Variants in PIP5K1B observed in about 807,000 individuals in gnomAD.
PIP5K1B encodes the protein phosphatidylinositol 4-phosphate 5-kinase type-1 beta.
In PIP5K1B, 42 loss-of-function variants were observed where a neutral mutation model predicts 67.0. That is an observed-to-expected ratio of 0.63 (90% CI 0.49 to 0.81). The LOEUF (loss-of-function observed/expected upper bound fraction) is 0.81, where lower values mean the gene tolerates loss of function less well. PIP5K1B is among the 30% of genes least tolerant of loss of function. PIP5K1B has a pLI of 0.00. For missense variants in PIP5K1B, 459 were observed against 646.3 expected (o/e 0.71, Z 3.14); for synonymous variants, 214 against 231.4 (o/e 0.92, Z 0.68).
chr9:68,999,155 CCT>C (rs747912360), intron 15 of PIP5K1B, among the ~76,000 whole-genome samples: 3 of 152,192 alleles, frequency 2.0e-5, no homozygotes, highest in Non-Finnish European at 2.9e-5. Flanking sequence ...ATGTTCTGTG[CCT>C]CTGTGTGGCC....
intron 14 of PIP5K1B, among the ~76,000 whole-genome samples, chr9:68,984,973 C>A (rs1564293168): frequency 6.6e-6 from 1 of 152,210 alleles, no homozygotes; most frequent in South Asian, 2.1e-4. Context: ...AGCCGCTGCA[C>A]CTCCCTGGGC....
intron 2 of PIP5K1B, among the ~76,000 whole-genome samples, chr9:68,754,410 T>C (rs867871959): frequency 6.6e-6 from 1 of 150,376 alleles, no homozygotes; most frequent in Non-Finnish European, 1.5e-5. Flanking sequence ...ACCTCGTGAT[T>C]CACCCGCCTC....
intron 4 of PIP5K1B, among the ~76,000 whole-genome samples, chr9:68,840,110 C>T (rs2132148871): frequency 6.6e-6 from 1 of 152,330 alleles, no homozygotes; most frequent in South Asian, 2.1e-4. Context: ...GGCACAGTGG[C>T]ACATGCCTGT....
At chr9:68,915,274 G>T (rs73461643) in intron 8 of PIP5K1B, among the ~76,000 whole-genome samples, 4,610 of 151,920 alleles carry the variant, frequency 0.03, 214 homozygotes, top group African/African-American at 0.1. Flanking sequence ...TATGAGTAGG[G>T]AAGTTAGCAT....
At chr9:68,833,087 AAGAC>A (rs1834403683) in intron 4 of PIP5K1B, among the ~76,000 whole-genome samples, 1 of 152,258 alleles carries the variant, frequency 6.6e-6, no homozygotes, top group African/African-American at 2.4e-5. Flanking sequence ...AACAGAGGCC[AAGAC>A]AGACATAGTC....
intron 4 of PIP5K1B, among the ~76,000 whole-genome samples, chr9:68,863,357 G>A (rs1823198384): frequency 6.6e-6 from 1 of 152,092 alleles, no homozygotes; most frequent in South Asian, 2.1e-4. Flanking sequence ...GAGTTATTCT[G>A]TTATTTCTCC....
chr9:68,782,680 T>A (rs1831363825), intron 2 of PIP5K1B: 1 of 167,094 alleles, frequency 6.0e-6, no homozygotes, highest in African/African-American at 2.4e-5. Flanking sequence ...TCCACAGGTT[T>A]AAAATTCTCT....
intron 9 of PIP5K1B, 105 bp downstream of exon 9, chr9:68,917,864 A>T: frequency 1.2e-6 from 1 of 802,866 alleles, no homozygotes; most frequent in Non-Finnish European, 2.1e-6. Context: ...CTAGGAATTA[A>T]TTTCTACTTG....
intron 5 of PIP5K1B, among the ~76,000 whole-genome samples, chr9:68,875,364 C>T (rs1293498243): frequency 1.5e-5 from 2 of 134,266 alleles, no homozygotes; most frequent in East Asian, 2.4e-4. Flanking sequence ...AAACTAGTTG[C>T]GTTGGTTATA....
intron 1 of PIP5K1B, among the ~76,000 whole-genome samples, chr9:68,725,489 A>C (rs1446476510): frequency 1.3e-5 from 2 of 152,348 alleles, no homozygotes; most frequent in South Asian, 2.1e-4. Flanking sequence ...TAAGAATTGC[A>C]GAAAGAGATC....
chr9:68,863,703 C>T (rs1472234790), intron 4 of PIP5K1B, 134 bp from the exon 5 acceptor site: 1 of 635,268 alleles, frequency 1.6e-6, no homozygotes, highest in Non-Finnish European at 2.6e-6. Context: ...AACTTATCAT[C>T]TTGCCAAACC....
chr9:69,004,329 G>GTT (rs1438722894), intron 15 of PIP5K1B, among the ~76,000 whole-genome samples: 1 of 93,522 alleles, frequency 1.1e-5, no homozygotes, highest in Non-Finnish European at 2.3e-5. Flanking sequence ...GCGTGTGTGT[G>GTT]TGTGTTTTTG....
intron 13 of PIP5K1B, among the ~76,000 whole-genome samples, chr9:68,935,502 A>T (rs1378073515): frequency 2.0e-5 from 3 of 152,228 alleles, no homozygotes; most frequent in African/African-American, 2.4e-5. Context: ...TAGCTACAGT[A>T]AGATGCAGTT....
At chr9:68,980,607 A>G (rs58952154) in intron 14 of PIP5K1B, among the ~76,000 whole-genome samples, 9,377 of 152,146 alleles carry the variant, frequency 0.062, 363 homozygotes, top group African/African-American at 0.1. Flanking sequence ...CTCTTGTACT[A>G]TCCAAACTGA....
chr9:68,847,114 A>G (rs1419884925), intron 4 of PIP5K1B, among the ~76,000 whole-genome samples: 1 of 152,162 alleles, frequency 6.6e-6, no homozygotes, highest in Non-Finnish European at 1.5e-5. Flanking sequence ...CTCTTGAATT[A>G]ATTAACTGCA....
At chr9:68,994,749 T>C (rs1460226169) in intron 15 of PIP5K1B, among the ~76,000 whole-genome samples, 2 of 152,184 alleles carry the variant, frequency 1.3e-5, no homozygotes, top group Non-Finnish European at 2.9e-5. Flanking sequence ...ATAAATTAAT[T>C]AGAGACAAAT....
At chr9:68,796,567 G>A (rs1490692800) in intron 2 of PIP5K1B, among the ~76,000 whole-genome samples, 1 of 152,124 alleles carries the variant, frequency 6.6e-6, no homozygotes, top group Non-Finnish European at 1.5e-5. Context: ...ATCTAAGACA[G>A]CATTTTCCTC....
At chr9:68,791,674 T>G (rs984487282) in intron 2 of PIP5K1B, among the ~76,000 whole-genome samples, 1 of 152,224 alleles carries the variant, frequency 6.6e-6, no homozygotes, top group Non-Finnish European at 1.5e-5. Flanking sequence ...TATATTGCAT[T>G]TCTAACTCTG....
At chr9:68,833,746 GT>G (rs1298077717) in intron 4 of PIP5K1B, among the ~76,000 whole-genome samples, 1 of 152,242 alleles carries the variant, frequency 6.6e-6, no homozygotes, top group African/African-American at 2.4e-5. Flanking sequence ...ATGGTTGGAT[GT>G]GGGGGTGAGG....
Sources: gnomAD v4.1 joint callset for allele counts (sites outside exome capture counted in the v4.1 genomes callset) on GRCh38, gnomAD v4.1.1 for gene constraint, MANE v1.5 for transcripts, NCBI Gene and HGNC (gene_info 2026-07-23, HGNC 2026-07-21) for gene names.